PSMD1: variants seen among roughly 807,000 people sequenced by gnomAD.
PSMD1 encodes 26S proteasome non-ATPase regulatory subunit 1.
In PSMD1, 18 loss-of-function variants were observed where a neutral mutation model predicts 119.0. The observed-to-expected ratio is 0.15, with a 90% CI of 0.10 to 0.22. PSMD1 has a LOEUF of 0.22. Among genes scored for constraint, PSMD1 ranks in the 10% least tolerant of loss-of-function variants. The pLI is 1.00. For missense variants in PSMD1, 702 were observed against 1,158.5 expected (o/e 0.61, Z 5.72); for synonymous variants, 374 against 396.6 (o/e 0.94, Z 0.68).
intron 16 of PSMD1, among the ~76,000 whole-genome samples, chr2:231,129,683 T>G (rs1695807963): frequency 6.6e-6 from 1 of 152,214 alleles, no homozygotes; most frequent in South Asian, 2.1e-4. Context: ...TGATAAGAGT[T>G]AAAAGCTACA....
intron 11 of PSMD1, among the ~76,000 whole-genome samples, 168 bp downstream of exon 11, chr2:231,079,782 G>GTGTGTTT (rs1220389881): frequency 3.3e-5 from 5 of 152,204 alleles, no homozygotes; most frequent in African/African-American, 1.2e-4. Flanking sequence ...GTATTTATAT[G>GTGTGTTT]TGTGTTTGTT....
chr2:231,058,950 CTG>C (rs1693686342), intron 1 of PSMD1, among the ~76,000 whole-genome samples: 1 of 149,570 alleles, frequency 6.7e-6, no homozygotes, highest in South Asian at 2.1e-4. Context: ...TGCCTGATCA[CTG>C]TCTCTCTCTC....
At chr2:231,110,165 T>A (rs576278901) in intron 16 of PSMD1, among the ~76,000 whole-genome samples, 1 of 151,862 alleles carries the variant, frequency 6.6e-6, no homozygotes, top group South Asian at 2.1e-4. Context: ...ACTAAAAATA[T>A]GAAAATTAGC....
chr2:231,133,240 A>G (rs1016742813), intron 16 of PSMD1, among the ~76,000 whole-genome samples: 6 of 152,164 alleles, frequency 3.9e-5, no homozygotes, highest in Non-Finnish European at 4.4e-5. Context: ...GCGCGCCACC[A>G]CACCCGGCTA....
At chr2:231,120,679 C>T (rs1695508700) in intron 16 of PSMD1, among the ~76,000 whole-genome samples, 1 of 152,128 alleles carries the variant, frequency 6.6e-6, no homozygotes. Context: ...TTTTACTGCT[C>T]TTATTTTTAA....
At chr2:231,130,221 G>A (rs1374280460) in intron 16 of PSMD1, among the ~76,000 whole-genome samples, 7 of 152,190 alleles carry the variant, frequency 4.6e-5, no homozygotes, top group African/African-American at 1.4e-4. Flanking sequence ...TAGCTCTGTC[G>A]TTGAGTACAC....
chr2:231,086,682 A>G (rs1166232918), intron 15 of PSMD1, among the ~76,000 whole-genome samples: 3 of 152,064 alleles, frequency 2.0e-5, no homozygotes, highest in Non-Finnish European at 4.4e-5. Flanking sequence ...GAGAAAAGTA[A>G]CCCTGAATCT....
chr2:231,076,762 T>G (rs575483958), intron 8 of PSMD1, among the ~76,000 whole-genome samples: 1 of 152,342 alleles, frequency 6.6e-6, no homozygotes, highest in Non-Finnish European at 1.5e-5. Context: ...TAATAAAAAG[T>G]AATTTTCCTG....
intron 2 of PSMD1, among the ~76,000 whole-genome samples, chr2:231,061,703 G>A (rs1312027094): frequency 6.6e-6 from 1 of 151,838 alleles, no homozygotes; most frequent in African/African-American, 2.4e-5. Context: ...AGCTAGGACT[G>A]TAGGCATGCA....
chr2:231,144,415 C>A (rs1696205711), intron 17 of PSMD1, among the ~76,000 whole-genome samples: 1 of 126,230 alleles, frequency 7.9e-6, no homozygotes. Flanking sequence ...CCACGCCCAG[C>A]TAATTTTTTT....
At chr2:231,057,167 AG>A in intron 1 of PSMD1, 126 bp downstream of exon 1, 1 of 1,198,730 alleles carries the variant, frequency 8.3e-7, no homozygotes, top group Non-Finnish European at 1.1e-6. Flanking sequence ...CTTGCTGCCC[AG>A]GGCCCACCCC....
intron 23 of PSMD1, among the ~76,000 whole-genome samples, chr2:231,166,262 A>G (rs1054652037): frequency 6.6e-6 from 1 of 152,164 alleles, no homozygotes; most frequent in Non-Finnish European, 1.5e-5. Context: ...AGGAGTTCCT[A>G]ATACAACAAT....
At chr2:231,149,438 C>T (rs752261190) in intron 18 of PSMD1, among the ~76,000 whole-genome samples, 13 of 152,110 alleles carry the variant, frequency 8.5e-5, no homozygotes. Context: ...AGTTCAAGGC[C>T]AGCCTGAACA....
intron 16 of PSMD1, among the ~76,000 whole-genome samples, chr2:231,111,855 A>G (rs1695166596): frequency 6.6e-6 from 1 of 152,164 alleles, no homozygotes; most frequent in African/African-American, 2.4e-5. Flanking sequence ...TGCATCACTC[A>G]TCACTTTGTG....
At chr2:231,129,311 A>C (rs1393236265) in intron 16 of PSMD1, among the ~76,000 whole-genome samples, 1 of 152,234 alleles carries the variant, frequency 6.6e-6, no homozygotes, top group Non-Finnish European at 1.5e-5. Flanking sequence ...AAGTGTGCTA[A>C]TAATGCTGCA....
intron 16 of PSMD1, among the ~76,000 whole-genome samples, chr2:231,120,027 A>G (rs1398401094): frequency 6.9e-6 from 1 of 145,758 alleles, no homozygotes; most frequent in East Asian, 2.0e-4. Flanking sequence ...ATCTCGGCTC[A>G]CTGCAACTCT....
At chr2:231,134,658 T>C (rs1695929635) in intron 16 of PSMD1, among the ~76,000 whole-genome samples, 1 of 152,196 alleles carries the variant, frequency 6.6e-6, no homozygotes. Context: ...TTCTACCTAC[T>C]TTTCCTCAAG....
Position 231,070,085 on chromosome 2 carries a change from A to G in PSMD1, c.571A>G (p.Lys191Glu). 6.3e-7 allele frequency: 1 copy of G among 1,578,660 alleles called. No individual in the cohort carries two copies. The highest frequency in any genetic ancestry group is 8.6e-7 in the Non-Finnish European group (1 of 1,165,988). ...LKLCMSLMQN[K>E]QFRNKVLRVL... is the part of the protein sequence containing the mutation. ...GCTCTGCATGTCTTTAATGCAGAAT[A>G]AACAGTTTCGGAATAAAGTACTAAG... is the stretch of plus-strand genomic sequence containing the variant. The change falls in exon 6 of 25, where the codon AAA becomes GAA. Residue 191 changes from lysine (K) to glutamate (E), a missense_variant. This residue lies in a region of PSMD1 where 58 missense variants were observed against 54.0 expected (regional missense o/e 1.07). Coordinates refer to ENST00000308696, the MANE Select transcript of PSMD1 (RefSeq NM_002807.4).
chr2:231,124,634 C>T (rs1343074745), intron 16 of PSMD1, among the ~76,000 whole-genome samples: 2 of 152,064 alleles, frequency 1.3e-5, no homozygotes, highest in Non-Finnish European at 2.9e-5. Context: ...TTAGTAATTT[C>T]ATCTCTCATG....
Sources: allele counts gnomAD v4.1 joint callset (sites outside exome capture counted in the v4.1 genomes callset), GRCh38; gene constraint gnomAD v4.1.1; regional missense constraint gnomAD v4.1.1; transcripts MANE v1.5; gene names NCBI Gene and HGNC (gene_info 2026-07-23, HGNC 2026-07-21).